MRPS9: variants seen among roughly 807,000 people sequenced by gnomAD.
MRPS9 encodes the protein mitochondrial ribosomal protein S9.
In MRPS9, 45 loss-of-function variants were observed where a neutral mutation model predicts 59.9. That is an observed-to-expected ratio of 0.75 (90% CI 0.59 to 0.96). MRPS9 has a LOEUF of 0.96. Among genes scored for constraint, MRPS9 ranks in the 40% least tolerant of loss-of-function variants. MRPS9 has a pLI of 0.00. For synonymous variants in MRPS9, 171 were observed against 166.8 expected (o/e 1.03, Z -0.19); for missense variants, 473 against 481.1 (o/e 0.98, Z 0.16).
chr2:105,090,548 T>C (rs1036923435), intron 7 of MRPS9, among the ~76,000 whole-genome samples: 3 of 152,192 alleles, frequency 2.0e-5, no homozygotes, highest in African/African-American at 7.2e-5. Flanking sequence ...TAGCTCAGAA[T>C]CTCTAGGGAG....
At chr2:105,086,632 T>G (rs1264809742) in intron 5 of MRPS9, among the ~76,000 whole-genome samples, 2 of 152,228 alleles carry the variant, frequency 1.3e-5, no homozygotes, top group Non-Finnish European at 2.9e-5. Context: ...CTACTATTGC[T>G]GGCATTCTTT....
intron 2 of MRPS9, among the ~76,000 whole-genome samples, chr2:105,062,792 C>T (rs1679930806): frequency 6.6e-6 from 1 of 152,132 alleles, no homozygotes; most frequent in Non-Finnish European, 1.5e-5. Context: ...GCGTAGTAGC[C>T]ACATAGGCTA....
chr2:105,050,603 A>G (rs1172772413), intron 2 of MRPS9, among the ~76,000 whole-genome samples: 1 of 152,250 alleles, frequency 6.6e-6, no homozygotes, highest in African/African-American at 2.4e-5. Context: ...ATGAGATGTT[A>G]GATATTACAT....
In MRPS9 at chr2:105,097,316, T is replaced by A. The variant is rs1680686011; in HGVS notation, c.1091T>A (p.Met364Lys). 6.2e-7 allele frequency: 1 copy of A among 1,604,950 alleles called. No individual in the cohort carries two copies. Among genetic ancestry groups the A allele is most frequent in the Non-Finnish European group, 8.5e-7 (1 of 1,175,732 alleles). The change falls in exon 10 of 11, where the codon ATG (methionine) becomes AAG (lysine). Residue 364 changes from methionine to lysine, a missense_variant. Transcript: ENST00000258455. Reference sequence around the variant, plus strand: ...GTCACCGAGGACGAGGTCGAGTGGATGAGACAAGGTATGAGTCTAGGTGGG... The same window carrying A: ...GTCACCGAGGACGAGGTCGAGTGGAAGAGACAAGGTATGAGTCTAGGTGGG... ...SFVTEDEVEWMRQAGLLTTDP... is the reference protein window; with the variant it reads ...SFVTEDEVEWKRQAGLLTTDP...
At chr2:105,085,877 A>G (rs1365849315) in intron 5 of MRPS9, among the ~76,000 whole-genome samples, 2 of 152,172 alleles carry the variant, frequency 1.3e-5, no homozygotes, top group African/African-American at 2.4e-5. Flanking sequence ...ACAATATACC[A>G]GAAGCTACCA....
chr2:105,042,121 GT>G (rs777836194), intron 1 of MRPS9, among the ~76,000 whole-genome samples: 1 of 152,240 alleles, frequency 6.6e-6, no homozygotes, highest in Non-Finnish European at 1.5e-5. Flanking sequence ...GTTATCTACA[GT>G]TTCTGTGGGT....
At chr2:105,062,052 A>T (rs1365474227) in intron 2 of MRPS9, among the ~76,000 whole-genome samples, 1 of 152,204 alleles carries the variant, frequency 6.6e-6, no homozygotes. Context: ...CTCTGAATGA[A>T]TACAGACTAC....
At chr2:105,095,664 G>T (rs1037794330) in intron 9 of MRPS9, among the ~76,000 whole-genome samples, 5 of 151,582 alleles carry the variant, frequency 3.3e-5, no homozygotes, top group Non-Finnish European at 7.4e-5. Context: ...TGCCTGGCTA[G>T]TTTTGTATTT....
At chr2:105,056,401 A>G (rs750854238) in intron 2 of MRPS9, among the ~76,000 whole-genome samples, 20 of 152,158 alleles carry the variant, frequency 1.3e-4, no homozygotes, top group Non-Finnish European at 2.1e-4. Flanking sequence ...GTAGAGCACA[A>G]CTGTCCCTGT....
intron 4 of MRPS9, 149 bp downstream of exon 4, chr2:105,071,638 T>A (rs1680115310): frequency 5.7e-6 from 4 of 695,918 alleles, no homozygotes; most frequent in Admixed American, 4.8e-5. Flanking sequence ...TAACAATGAA[T>A]GAGTGAAGTT....
chr2:105,063,241 C>G (rs1424858247), intron 2 of MRPS9, among the ~76,000 whole-genome samples: 1 of 152,198 alleles, frequency 6.6e-6, no homozygotes, highest in Non-Finnish European at 1.5e-5. Flanking sequence ...TGAATAGCCA[C>G]TGCTCTCCTG....
intron 2 of MRPS9, among the ~76,000 whole-genome samples, chr2:105,059,612 T>G (rs912012858): frequency 2.0e-5 from 3 of 152,048 alleles, no homozygotes; most frequent in African/African-American, 7.2e-5. Context: ...TATTTCTTAG[T>G]TTAAATAATA....
chr2:105,086,005 A>G (rs1252558289), intron 5 of MRPS9, among the ~76,000 whole-genome samples: 1 of 152,108 alleles, frequency 6.6e-6, no homozygotes, highest in East Asian at 1.9e-4. Context: ...CTTTCCAGAG[A>G]ACTGTTGTCT....
rs4851050 is a variant in MRPS9 at position 105,054,559 on chromosome 2, C to T, written c.315+5209C>T. Among the ~76,000 whole-genome samples the T allele has an allele frequency of 7.0e-3, 1,017 of 145,166 alleles. 15 individuals are homozygous for T. The highest frequency in any genetic ancestry group is 0.069 in the East Asian group (249 of 3,592). ...TGATCGGCTTCGCTGACTCTTGTGG[C>T]ATTTTATTAAATATAGCGGACCCCT... On this transcript the variant is annotated intron_variant, in intron 2 of 10. Coordinates refer to ENST00000258455, the MANE Select transcript of MRPS9 (RefSeq NM_182640.3).
intron 2 of MRPS9, among the ~76,000 whole-genome samples, chr2:105,050,885 A>G (rs1417172778): frequency 2.0e-5 from 3 of 152,150 alleles, no homozygotes; most frequent in Admixed American, 2.0e-4. Context: ...ACTTAGCACA[A>G]TGTTTTCATG....
intron 2 of MRPS9, among the ~76,000 whole-genome samples, chr2:105,059,490 CTGGCTAGCAGGAT>C (rs1679856100): frequency 2.6e-5 from 4 of 152,226 alleles, no homozygotes; most frequent in Admixed American, 2.6e-4. Flanking sequence ...ACCCAAATAC[CTGGCTAGCAGGAT>C]TGTTTTGAAG....
At chr2:105,092,263 C>A in intron 7 of MRPS9, 138 bp from the exon 8 acceptor site, 1 of 618,880 alleles carries the variant, frequency 1.6e-6, no homozygotes, top group Non-Finnish European at 2.6e-6. Flanking sequence ...TTAAAAGCAG[C>A]GTGAAGATGC....
intron 2 of MRPS9, among the ~76,000 whole-genome samples, chr2:105,068,855 G>A (rs75224491): frequency 0.032 from 4,920 of 152,272 alleles, 338 homozygotes; most frequent in East Asian, 0.23. Context: ...CTTATGCATG[G>A]GGATTTGGTT....
chr2:105,091,277 A>ACT (rs1293970313), intron 7 of MRPS9: 9 of 470,922 alleles, frequency 1.9e-5, no homozygotes, highest in Non-Finnish European at 2.6e-5. Flanking sequence ...TTCTTGACCT[A>ACT]GTTCAGAAGC....
Sources: gnomAD v4.1 joint callset for allele counts (sites outside exome capture counted in the v4.1 genomes callset) on GRCh38, gnomAD v4.1.1 for gene constraint, MANE v1.5 for transcripts, NCBI Gene and HGNC (gene_info 2026-07-23, HGNC 2026-07-21) for gene names.